Variants in TCF20 observed in about 807,000 individuals in gnomAD.
TCF20 encodes the protein SPRE-binding protein.
Under a neutral mutation model 148.6 loss-of-function variants are expected in TCF20, and 3 were observed. The observed-to-expected ratio is 0.02, with a 90% CI of 0.01 to 0.05. The LOEUF is 0.05. Ranked by LOEUF, TCF20 falls within the 10% of genes least tolerant of loss-of-function variation. The pLI, the probability that TCF20 is intolerant of heterozygous loss-of-function variation, is 1.00. For missense variants in TCF20, 2,350 were observed against 2,429.3 expected, an observed-to-expected ratio of 0.97 and a Z score of 0.69; for synonymous variants, 1,049 against 909.5, an observed-to-expected ratio of 1.15 and a Z score of -2.76.
At chr22:42,235,214 A>G (rs546739810) in intron 1 of TCF20, among the ~76,000 whole-genome samples, 2 of 152,172 alleles carry the variant, frequency 1.3e-5, no homozygotes, top group African/African-American at 4.8e-5. Flanking sequence ...AGCCATAACT[A>G]TGATAAGGAG....
Position 42,210,830 on chromosome 22 carries a change from T to C in TCF20, c.4476A>G (p.Pro1492=). The C allele has an allele frequency of 6.2e-7, 1 of 1,614,232 alleles. No homozygotes were observed. Among genetic ancestry groups the C allele is most frequent in the African/African-American group, 1.3e-5 (1 of 75,060 alleles). Residue 1492 remains proline (P), a synonymous_variant, in exon 2 of 6, where the codon CCA becomes CCG. Transcript: ENST00000677622. The surrounding 1 kb of genome is among the most constrained non-coding windows in gnomAD (Gnocchi z 4.7). The part of the protein sequence containing the change: ...SLGGTAPLIF[P]DSKNVPPVGI... The stretch of plus-strand genomic sequence containing the variant: ...CCACTGGAGGTACATTCTTTGAGTC[T>C]GGAAAGATTAAAGGTGCTGTTCCAC...
In TCF20 at chr22:42,209,877, T is replaced by A; in HGVS notation, c.5429A>T (p.Lys1810Ile). ...TTCACTGCTGCCCTCAGTGGCTGCTTTTTTACAAGGGAGCCCCCTGGACAG... is the reference window on the plus strand; with the variant it reads ...TTCACTGCTGCCCTCAGTGGCTGCTATTTTACAAGGGAGCCCCCTGGACAG... The part of the protein sequence containing the change: ...RSLSRGLPCK[K>I]AATEGSSEKT... Residue 1810 changes from lysine to isoleucine, a missense_variant, in exon 2 of 6, where the codon AAA becomes ATA. Coordinates refer to ENST00000677622, the MANE Select transcript of TCF20 (RefSeq NM_001378418.1). 1 of 1,614,120 alleles carries A rather than the reference T, an allele frequency of 6.2e-7. No homozygotes were observed. The highest frequency in any genetic ancestry group is 8.5e-7 in the Non-Finnish European group (1 of 1,180,010).
intron 2 of TCF20, among the ~76,000 whole-genome samples, chr22:42,203,156 A>AC (rs1938155778): frequency 6.6e-6 from 1 of 151,674 alleles, no homozygotes; most frequent in Non-Finnish European, 1.5e-5. Flanking sequence ...ATTTTTCTCT[A>AC]CTTATTTATT....
In TCF20 at chr22:42,213,491, C is replaced by A; in HGVS notation, c.1815G>T (p.Gly605=). ...TCATGGCTTCCCGGGAGACAATCAC[C>A]CCAACAGTCTTCTCATTAACCTTTG... is the stretch of plus-strand genomic sequence containing the variant. ...GNPKVNEKTV[G]VIVSREAMTG... The change falls in exon 2 of 6, where the codon GGG becomes GGT. Residue 605 remains glycine, a synonymous_variant. Transcript: ENST00000677622. 6.2e-7 allele frequency: 1 copy of A among 1,614,200 alleles called. No homozygotes were observed. The highest frequency in any genetic ancestry group is 1.3e-5 in the African/African-American group (1 of 75,054).
chr22:42,247,564 T>C (rs181318970), intron 1 of TCF20, among the ~76,000 whole-genome samples: 8 of 151,766 alleles, frequency 5.3e-5, no homozygotes, highest in Non-Finnish European at 1.0e-4. Flanking sequence ...AACCAGGAGA[T>C]GTGGTTAGAG....
At chr22:42,263,956 G>C (rs1315450146) in intron 1 of TCF20, among the ~76,000 whole-genome samples, 1 of 152,102 alleles carries the variant, frequency 6.6e-6, no homozygotes, top group African/African-American at 2.4e-5. Context: ...GCATCTTCCT[G>C]AGTTGTAAAG....
intron 2 of TCF20, among the ~76,000 whole-genome samples, chr22:42,205,682 A>C (rs1359818276): frequency 2.0e-5 from 3 of 152,252 alleles, no homozygotes; most frequent in Non-Finnish European, 1.5e-5. Flanking sequence ...TGCACTGAGA[A>C]AAGTAGAATA....
At chr22:42,271,557 A>G (rs1385301824), upstream of TCF20, among the ~76,000 whole-genome samples, 1 of 152,264 alleles carries the variant, frequency 6.6e-6, no homozygotes, top group Non-Finnish European at 1.5e-5. Flanking sequence ...GGCCATCAAA[A>G]GTGACAAGGC....
intron 1 of TCF20, among the ~76,000 whole-genome samples, chr22:42,263,869 G>C (rs1054128860): frequency 2.0e-5 from 3 of 152,136 alleles, no homozygotes; most frequent in Admixed American, 2.0e-4. Context: ...GTGGGGCATA[G>C]ATGGCAAAGA....
At chr22:42,284,529 G>T (rs1569200794), upstream of TCF20, among the ~76,000 whole-genome samples, 1 of 152,240 alleles carries the variant, frequency 6.6e-6, no homozygotes, top group African/African-American at 2.4e-5. Context: ...GGTGAGCTGG[G>T]ATGTGAGGCC....
intron 1 of TCF20, among the ~76,000 whole-genome samples, chr22:42,242,744 A>G (rs942893550): frequency 6.6e-6 from 1 of 151,910 alleles, no homozygotes; most frequent in African/African-American, 2.4e-5. Context: ...AAACTTGGCC[A>G]AGGGTGGTGG....
At chr22:42,235,158 A>AAG (rs71184877) in intron 1 of TCF20, among the ~76,000 whole-genome samples, 1 of 150,734 alleles carries the variant, frequency 6.6e-6, no homozygotes, top group Non-Finnish European at 1.5e-5. Flanking sequence ...AAAAAAAAAA[A>AAG]GAACTTTGTA....
At chr22:42,175,115 G>A (rs1200613499) in intron 3 of TCF20, among the ~76,000 whole-genome samples, 1 of 151,864 alleles carries the variant, frequency 6.6e-6, no homozygotes, top group Non-Finnish European at 1.5e-5. Flanking sequence ...CTGGCCACTA[G>A]ACTACAGGGA....
intron 1 of TCF20, among the ~76,000 whole-genome samples, chr22:42,226,844 TCAAAA>T (rs1012947863): frequency 4.6e-5 from 7 of 151,568 alleles, no homozygotes; most frequent in African/African-American, 1.5e-4. Context: ...CCAAAAAAGC[TCAAAA>T]CAAAAGGAAA....
At chr22:42,323,870 T>TGGTGGTGGTGGAGGTTATGGTGGTGGA (rs1927785107) in intron 1 of TCF20, among the ~76,000 whole-genome samples, 1 of 90,906 alleles carries the variant, frequency 1.1e-5, no homozygotes, top group African/African-American at 3.3e-5. Context: ...ATGGTGGTGG[T>TGGTGGTGGTGGAGGTTATGGTGGTGGA]GGTGGTGGTG....
chr22:42,165,892 ACT>A (rs1335840852), intron 5 of TCF20, among the ~76,000 whole-genome samples: 2 of 152,052 alleles, frequency 1.3e-5, no homozygotes, highest in Non-Finnish European at 2.9e-5. Context: ...CTATCATATC[ACT>A]CTGTCAGAAC....
At chr22:42,215,534 G>A (rs769827111) in intron 1 of TCF20, 193 bp from the exon 2 acceptor site, 233 of 665,422 alleles carry the variant, frequency 3.5e-4, no homozygotes, top group South Asian at 5.4e-4. Context: ...GCAATTGCAC[G>A]ATCTCAGCTC....
chr22:42,175,122 G>A (rs552932870), intron 3 of TCF20, among the ~76,000 whole-genome samples: 1 of 152,158 alleles, frequency 6.6e-6, no homozygotes, highest in African/African-American at 2.4e-5. Context: ...CTAGACTACA[G>A]GGAAGAAAAC....
intron 1 of TCF20, among the ~76,000 whole-genome samples, chr22:42,298,352 T>C (rs1008499658): frequency 2.6e-5 from 4 of 152,154 alleles, no homozygotes; most frequent in African/African-American, 9.7e-5. Flanking sequence ...GGCCGACTGT[T>C]GTTGGGGCAC....
Sources: allele counts gnomAD v4.1 joint callset (sites outside exome capture counted in the v4.1 genomes callset), GRCh38; gene constraint gnomAD v4.1.1; non-coding constraint Gnocchi (gnomAD v3.1); transcripts MANE v1.5; gene names NCBI Gene and HGNC (gene_info 2026-07-23, HGNC 2026-07-21).